PIP5KL1: variants seen among roughly 807,000 people sequenced by gnomAD.
The protein encoded by PIP5KL1 is phosphatidylinositol 4-phosphate 5-kinase-like protein 1.
Under a neutral mutation model 47.6 loss-of-function variants are expected in PIP5KL1, and 45 were observed. The observed-to-expected ratio is 0.94, with a 90% CI of 0.74 to 1.21. The LOEUF (loss-of-function observed/expected upper bound fraction) is 1.21. Ranked by LOEUF, PIP5KL1 falls within the 50% of genes most tolerant of loss-of-function variation. PIP5KL1 has a pLI of 0.00. For missense variants in PIP5KL1, 577 were observed against 547.6 expected (o/e 1.05, Z -0.54); for synonymous variants, 256 against 234.6 (o/e 1.09, Z -0.84).
rs577506934 is a variant in PIP5KL1, at chr9:127,926,410, T to TCA, written c.651-433_651-432dup. Among the ~76,000 whole-genome samples the TCA allele has an allele frequency of 4.8e-3, 724 of 152,160 alleles. 6 individuals are homozygous for TCA. Among genetic ancestry groups the TCA allele is most frequent in the African/African-American group, 0.016 (664 of 41,508 alleles). On this transcript the variant is annotated intron_variant, in intron 7 of 9. Transcript: ENST00000388747. The stretch of plus-strand genomic sequence containing the variant: ...TAGCTGGGACTACAGGCACGTGCCA[T>TCA]CACACCCAGCTAACTTTTTCATTTT...
Position 127,930,717 on chromosome 9 carries a change from A to C in PIP5KL1, c.30+6T>G, listed in dbSNP as rs1256042897. On this transcript the variant is annotated splice_donor_region_variant and intron_variant, in intron 1 of 9. Coordinates refer to ENST00000388747, the MANE Select transcript of PIP5KL1 (RefSeq NM_001135219.2). ...CTCTCCTGTCCTCTCTCGGGTCCGC[A>C]CCTACCTCGCGGGGCCCCGGGCTCG... The C allele has an allele frequency of 6.4e-7, 1 of 1,571,094 alleles. No homozygotes were observed.
chr9:127,926,756 C>T (rs964827282), intron 7 of PIP5KL1, among the ~76,000 whole-genome samples: 2 of 152,198 alleles, frequency 1.3e-5, no homozygotes, highest in South Asian at 2.1e-4. Context: ...TGGGGGCAGC[C>T]AATGGCCGGG....
Position 127,921,102 on chromosome 9 carries a change from T to C in PIP5KL1, c.*745A>G, listed in dbSNP as rs914176693. On this transcript the variant is annotated 3_prime_UTR_variant, in exon 10 of 10. Coordinates refer to ENST00000388747, the MANE Select transcript of PIP5KL1 (RefSeq NM_001135219.2). ...AGTTTCCTGGAGGAAGGAGAAGGAG[T>C]GATCAGGGGCATGCAGGCTCCTGGT... The C allele has an allele frequency of 1.3e-5, 2 of 151,560 alleles. No homozygotes were observed. The highest frequency in any genetic ancestry group is 4.9e-5 in the African/African-American group (2 of 41,166). 9.4% of individuals were successfully genotyped at this position (151,560 alleles called of 1,614,324 possible). A position where few individuals can be genotyped will look rare whatever the true frequency, so the allele number is the denominator to read the frequency against.
chr9:127,925,260 C>T lies in PIP5KL1; in HGVS notation c.764G>A (p.Gly255Glu). The T allele has an allele frequency of 6.2e-7, 1 of 1,611,718 alleles. No individual in the cohort carries two copies. Among genetic ancestry groups the T allele is most frequent in the Non-Finnish European group, 8.5e-7 (1 of 1,179,950 alleles). ...LNFQGKTINL[G>E]PQRSWFLRQM... ...GCGGAGGAACCAGCTCCGCTGGGGC[C>T]CTGCCGGAGCATCAGTGCCCCCACC... The change falls in exon 9 of 10, where the codon GGG becomes GAG. Residue 255 changes from glycine (G) to glutamate (E), a missense_variant and splice_region_variant. Physicochemically the swap from Gly to Glu is moderately conservative, Grantham distance 98. Transcript: ENST00000388747.
intron 7 of PIP5KL1, among the ~76,000 whole-genome samples, chr9:127,926,241 TG>T (rs1175003350): frequency 6.7e-6 from 1 of 149,396 alleles, no homozygotes; most frequent in African/African-American, 2.5e-5. Context: ...TTTTTTTTTT[TG>T]GAGATGGAGT....
chr9:127,927,893 T>C lies in PIP5KL1; in HGVS notation c.435-121A>G, dbSNP rs1179759326. 13 of 1,487,452 alleles carry C rather than the reference T, an allele frequency of 8.7e-6. No individual in the cohort carries two copies. The highest frequency in any genetic ancestry group is 1.2e-5 in the Non-Finnish European group (13 of 1,119,756). 92.1% of individuals were successfully genotyped at this position (1,487,452 alleles called of 1,614,324 possible). ...AGGTCTCGGCACCGCCTCTCTCGCC[T>C]TCGGCCCTCGCCCTCCTCTCCTCCC... On this transcript the variant is annotated intron_variant, in intron 4 of 9. Transcript: ENST00000388747. The surrounding 1 kb of genome is among the most constrained non-coding windows in gnomAD (Gnocchi z 5.5).
Position 127,927,946 on chromosome 9 carries a change from C to T in PIP5KL1, c.434+119G>A, listed in dbSNP as rs1831387468. The stretch of plus-strand genomic sequence containing the variant: ...ATCTGTCCACCATCCGGCCCTGACC[C>T]TCCCAGATTAGGGCCGCTCTGTTTC... On this transcript the variant is annotated intron_variant, in intron 4 of 9. Coordinates refer to ENST00000388747, the MANE Select transcript of PIP5KL1 (RefSeq NM_001135219.2). This position sits in a 1 kb window ranked among gnomAD's most constrained non-coding sequence, Gnocchi z 5.5. The T allele has an allele frequency of 2.1e-6, 3 of 1,444,246 alleles. No individual in the cohort carries two copies. The highest frequency in any genetic ancestry group is 2.7e-5 in the Admixed American group (1 of 36,564). The allele number at this position is 1,444,246 out of a possible 1,614,324, so 89.5% of individuals were successfully genotyped here. A position where few individuals can be genotyped will look rare whatever the true frequency, so the allele number is the denominator to read the frequency against.
intron 3 of PIP5KL1, 44 bp downstream of exon 3, chr9:127,928,389 A>C: frequency 6.4e-7 from 1 of 1,572,218 alleles, no homozygotes; most frequent in Non-Finnish European, 8.6e-7. Context: ...GGAGAGAGCA[A>C]GACCAGCACA....
In PIP5KL1 at chr9:127,930,726, G is replaced by A. The variant is rs1831423197; in HGVS notation, c.27C>T (p.Arg9=). Residue 9 remains arginine, a synonymous_variant, in exon 1 of 10, where the codon CGC becomes CGT. Coordinates refer to ENST00000388747, the MANE Select transcript of PIP5KL1 (RefSeq NM_001135219.2). MAAPSPGP[R]EVLAPSPEAG... is the part of the protein sequence containing the mutation. Reference sequence around the variant, plus strand: ...CCTCTCTCGGGTCCGCACCTACCTCGCGGGGCCCCGGGCTCGGCGCAGCCA... The same window carrying A: ...CCTCTCTCGGGTCCGCACCTACCTCACGGGGCCCCGGGCTCGGCGCAGCCA... 3.2e-6 allele frequency: 5 copies of A among 1,569,708 alleles called. No homozygotes were observed. Among genetic ancestry groups the A allele is most frequent in the East Asian group, 4.9e-5 (2 of 40,694 alleles).
Position 127,928,453 on chromosome 9 carries a change from C to T in PIP5KL1, c.259G>A (p.Val87Ile). 6.2e-7 allele frequency: 1 copy of T among 1,600,762 alleles called. No individual in the cohort carries two copies. The highest frequency in any genetic ancestry group is 8.5e-7 in the Non-Finnish European group (1 of 1,175,158). The change falls in exon 3 of 10, where the codon GTC becomes ATC. Residue 87 changes from valine (V) to isoleucine (I), a missense_variant. Coordinates refer to ENST00000388747, the MANE Select transcript of PIP5KL1 (RefSeq NM_001135219.2). ...GPPSRDDFSE[V>I]LTQVHEGFEL... ...CCTACCTCGTGAACCTGGGTTAGGA[C>T]CTCCGAGAAATCGTCCCGGGAGGGC...
chr9:127,924,417 A>G (rs1211157508), intron 9 of PIP5KL1, among the ~76,000 whole-genome samples: 3 of 150,990 alleles, frequency 2.0e-5, no homozygotes, highest in African/African-American at 4.9e-5. Flanking sequence ...CTTGAACCCG[A>G]GAGGCGGAGG....
In PIP5KL1 at chr9:127,927,474, C is replaced by A. The variant is rs994786672; in HGVS notation, c.560-143G>T. The A allele has an allele frequency of 7.5e-6, 11 of 1,469,370 alleles. No homozygotes were observed. The highest frequency in any genetic ancestry group is 2.8e-5 in the African/African-American group (2 of 71,284). 91.0% of individuals were successfully genotyped at this position (1,469,370 alleles called of 1,614,324 possible). A position where few individuals can be genotyped will look rare whatever the true frequency, so the allele number is the denominator to read the frequency against. ...TTCCTTGGCTGGTCCGGATCCCGAC[C>A]CGATCCCACCCCTAAACACAGCCCC... On this transcript the variant is annotated intron_variant, in intron 5 of 9. Coordinates refer to ENST00000388747, the MANE Select transcript of PIP5KL1 (RefSeq NM_001135219.2). The surrounding 1 kb of genome is among the most constrained non-coding windows in gnomAD (Gnocchi z 5.5).
chr9:127,927,819 G>T lies in PIP5KL1; in HGVS notation c.435-47C>A. On this transcript the variant is annotated intron_variant, in intron 4 of 9. Transcript: ENST00000388747. This position sits in a 1 kb window ranked among gnomAD's most constrained non-coding sequence, Gnocchi z 5.5. ...TCACTGCCCAGGCCTGGCTGGAGCG[G>T]CTCCCACCCGGCCCCCTTCCCCGAC... 1.3e-6 allele frequency: 2 copies of T among 1,530,438 alleles called. No individual in the cohort carries two copies. Among genetic ancestry groups the T allele is most frequent in the Non-Finnish European group, 1.8e-6 (2 of 1,142,646 alleles). The allele number at this position is 1,530,438 out of a possible 1,614,324, so 94.8% of individuals were successfully genotyped here.
In PIP5KL1 at chr9:127,925,459, C is replaced by T. The variant is rs146191954; in HGVS notation, c.764-199G>A. 1.6e-3 allele frequency: 941 copies of T among 599,872 alleles called. 10 individuals carry two copies. In the East Asian group the frequency reaches 0.026, roughly 17 times the overall value. 37.2% of individuals were successfully genotyped at this position (599,872 alleles called of 1,614,324 possible). A position where few individuals can be genotyped will look rare whatever the true frequency, so the allele number is the denominator to read the frequency against. The stretch of plus-strand genomic sequence containing the variant: ...ACTCTGCTCTGCCTGATTCCAGAAT[C>T]TCTTTTATTTTTATTTTATTTTTTG... On this transcript the variant is annotated intron_variant, in intron 8 of 9. Transcript: ENST00000388747.
intron 9 of PIP5KL1, among the ~76,000 whole-genome samples, chr9:127,924,490 CAAAA>C (rs544298136): frequency 9.4e-6 from 1 of 106,786 alleles, no homozygotes. Flanking sequence ...GACTCCATCT[CAAAA>C]AAAAAAAAAA....
intron 2 of PIP5KL1, chr9:127,928,898 G>A (rs1381289511): frequency 9.1e-6 from 2 of 219,528 alleles, no homozygotes; most frequent in Non-Finnish European, 1.8e-5. Context: ...AGACCTCTAA[G>A]CTGAAATCTA....
chr9:127,927,542 A>T lies in PIP5KL1; in HGVS notation c.559+106T>A. 8.8e-7 allele frequency: 1 copy of T among 1,130,742 alleles called. No homozygotes were observed. The highest frequency in any genetic ancestry group is 1.1e-6 in the Non-Finnish European group (1 of 938,866). 70.0% of individuals were successfully genotyped at this position (1,130,742 alleles called of 1,614,324 possible). On this transcript the variant is annotated intron_variant, in intron 5 of 9. Transcript: ENST00000388747. This position sits in a 1 kb window ranked among gnomAD's most constrained non-coding sequence, Gnocchi z 5.5. ...ACGTATGGCCCCACCCCCATGCCCT[A>T]CAACCCCAAATCCGCCCATTTGGGC...
rs1359794952 is a variant in PIP5KL1 at position 127,929,525 on chromosome 9, C to A, written c.228+163G>T. On this transcript the variant is annotated intron_variant, in intron 2 of 9. Transcript: ENST00000388747. The surrounding 1 kb of genome is among the most constrained non-coding windows in gnomAD (Gnocchi z 4.0). Reference sequence around the variant, plus strand: ...GGGGGTTCCTCACACCCCCAACGCACCCCAGACGTTCCAGCTCCCACACCA... The same window carrying A: ...GGGGGTTCCTCACACCCCCAACGCAACCCAGACGTTCCAGCTCCCACACCA... Among the ~76,000 whole-genome samples, 1 of 152,048 alleles carries A rather than the reference C, an allele frequency of 6.6e-6. No individual in the cohort carries two copies. Among genetic ancestry groups the A allele is most frequent in the Non-Finnish European group, 1.5e-5 (1 of 68,012 alleles).
intron 9 of PIP5KL1, among the ~76,000 whole-genome samples, chr9:127,924,655 CAAA>C (rs151136722): frequency 1.1e-4 from 7 of 63,616 alleles, no homozygotes; most frequent in Admixed American, 3.4e-4. Flanking sequence ...AACTCCATCT[CAAA>C]AAAAAAAAAA....
Sources: gnomAD v4.1 joint callset for allele counts (sites outside exome capture counted in the v4.1 genomes callset) on GRCh38, gnomAD v4.1.1 for gene constraint, Gnocchi (gnomAD v3.1) non-coding constraint, MANE v1.5 for transcripts, NCBI Gene and HGNC (gene_info 2026-07-23, HGNC 2026-07-21) for gene names.